Variants in CAMTA1 observed in about 807,000 individuals in gnomAD.
CAMTA1 encodes calmodulin binding transcription activator 1, also known as calmodulin-binding transcription activator 1.
In CAMTA1, 27 loss-of-function variants were observed where a neutral mutation model predicts 170.9. That is an observed-to-expected ratio of 0.16 (90% CI 0.12 to 0.22). CAMTA1 has a LOEUF of 0.22. Among genes scored for constraint, CAMTA1 ranks in the 10% least tolerant of loss-of-function variants. The probability of loss-of-function intolerance (pLI) is 1.00; values close to 1 mark genes in which losing one functional copy is unlikely to be tolerated. For synonymous variants in CAMTA1, 833 were observed against 891.5 expected, an observed-to-expected ratio of 0.93 and a Z score of 1.17; for missense variants, 1,619 against 2,217.2, an observed-to-expected ratio of 0.73 and a Z score of 5.42.
chr1:7,302,888 C>T (rs1015738784), intron 5 of CAMTA1, among the ~76,000 whole-genome samples: 12 of 152,294 alleles, frequency 7.9e-5, no homozygotes, highest in East Asian at 1.9e-4. Flanking sequence ...TCTTCCAAAT[C>T]GTCATTTTGG....
rs186193133 is a variant in CAMTA1, at chr1:7,484,208, G to T, written c.510+16307G>T. 3.6e-3 allele frequency among the ~76,000 whole-genome samples: 546 copies of T among 152,242 alleles called. 2 individuals are homozygous for T. Among genetic ancestry groups the T allele is most frequent in the African/African-American group, 0.013 (520 of 41,576 alleles). ...TGGGTGAGTACCTGGCACAGAGGGG[G>T]GCCCACCTCAGGTCCGCCTTCCCTC... On this transcript the variant is annotated intron_variant, in intron 6 of 22. Transcript: ENST00000303635.
rs367724762 is a variant in CAMTA1 at position 7,546,231 on chromosome 1, C to T, written c.510+78330C>T. Among the ~76,000 whole-genome samples the T allele has an allele frequency of 4.6e-5, 7 of 152,308 alleles. No individual in the cohort carries two copies. The East Asian group carries it at 7.7e-4, about 17-fold the overall frequency. On this transcript the variant is annotated intron_variant, in intron 6 of 22. Coordinates refer to ENST00000303635, the MANE Select transcript of CAMTA1 (RefSeq NM_015215.4). ...TCAGCCTCCCAAAGTGCTGGGATTA[C>T]AGGCGTGAGCCACTGCGCCCGGCCT...
intron 6 of CAMTA1, among the ~76,000 whole-genome samples, chr1:7,499,923 G>A (rs1169404471): frequency 2.1e-5 from 3 of 144,262 alleles, no homozygotes; most frequent in Non-Finnish European, 4.5e-5. Context: ...GTGTGCATGA[G>A]TGAGTGTGCA....
intron 8 of CAMTA1, among the ~76,000 whole-genome samples, chr1:7,662,997 G>A (rs988611877): frequency 2.0e-5 from 3 of 152,230 alleles, no homozygotes; most frequent in Non-Finnish European, 2.9e-5. Flanking sequence ...TTCCAGATGA[G>A]TGGTATCTGT....
chr1:6,896,098 G>C (rs1386712457), intron 3 of CAMTA1, among the ~76,000 whole-genome samples: 1 of 152,158 alleles, frequency 6.6e-6, no homozygotes. Flanking sequence ...CCTAGAAGCT[G>C]CTCCTCAAAT....
chr1:7,736,977 T>G lies in CAMTA1; in HGVS notation c.3310T>G (p.Leu1104Val). Residue 1104 changes from leucine to valine, a missense_variant, in exon 14 of 23, where the codon TTG (leucine) becomes GTG (valine). Transcript: ENST00000303635. The surrounding 1 kb of genome is among the most constrained non-coding windows in gnomAD (Gnocchi z 4.5). ...TGACCTGGAACTGGAAGTTGACCCCTTGAATGTGGACCACTTCTCCTGTAC... is the reference window on the plus strand; with the variant it reads ...TGACCTGGAACTGGAAGTTGACCCCGTGAATGTGGACCACTTCTCCTGTAC... ...SIDLELEVDP[L>V]NVDHFSCTPL... 6.2e-7 allele frequency: 1 copy of G among 1,613,624 alleles called. No individual in the cohort carries two copies. Among genetic ancestry groups the G allele is most frequent in the South Asian group, 1.1e-5 (1 of 90,910 alleles).
intron 3 of CAMTA1, among the ~76,000 whole-genome samples, chr1:7,036,355 G>A (rs1703593887): frequency 6.6e-6 from 1 of 152,182 alleles, no homozygotes; most frequent in Admixed American, 6.5e-5. Context: ...TCAGTTCTAC[G>A]TGAAAACTGC....
intron 3 of CAMTA1, among the ~76,000 whole-genome samples, chr1:7,005,595 G>A (rs905442065): frequency 6.6e-6 from 1 of 152,198 alleles, no homozygotes; most frequent in Non-Finnish European, 1.5e-5. Context: ...TATCTTCTGG[G>A]TATGGGGGAA....
At chr1:7,335,796 C>G (rs1270439922) in intron 5 of CAMTA1, among the ~76,000 whole-genome samples, 2 of 148,256 alleles carry the variant, frequency 1.3e-5, no homozygotes, top group Non-Finnish European at 3.0e-5. Context: ...AAGGCAAAAA[C>G]CAAGACCTCT....
At chr1:7,331,010 C>T (rs1574726794) in intron 5 of CAMTA1, among the ~76,000 whole-genome samples, 1 of 152,044 alleles carries the variant, frequency 6.6e-6, no homozygotes. Flanking sequence ...GAGGCCGAGG[C>T]GGGTGGATCA....
intron 3 of CAMTA1, among the ~76,000 whole-genome samples, chr1:6,952,108 T>G (rs1365973816): frequency 1.3e-5 from 2 of 152,132 alleles, no homozygotes; most frequent in African/African-American, 4.8e-5. Context: ...AAAACAATAC[T>G]GGGTGGTTCA....
In CAMTA1 at chr1:7,325,401, G is replaced by A. The variant is rs1679130061; in HGVS notation, c.438+75775G>A. Among the ~76,000 whole-genome samples, 1 of 152,184 alleles carries A rather than the reference G, an allele frequency of 6.6e-6. No homozygotes were observed. The highest frequency in any genetic ancestry group is 2.1e-4 in the South Asian group (1 of 4,820). ...GAAGAAGCCATGTCTGCCTGGGAGG[G>A]GAAACACTGAGGTGGAGGGACAGCC... On this transcript the variant is annotated intron_variant, in intron 5 of 22. Coordinates refer to ENST00000303635, the MANE Select transcript of CAMTA1 (RefSeq NM_015215.4). This position sits in a 1 kb window ranked among gnomAD's most constrained non-coding sequence, Gnocchi z 5.0.
In CAMTA1 at chr1:7,447,211, T is replaced by G. The variant is rs115629831; in HGVS notation, c.439-20619T>G. Among the ~76,000 whole-genome samples the G allele has an allele frequency of 6.2e-3, 936 of 152,036 alleles. 8 individuals are homozygous for G. Among genetic ancestry groups the G allele is most frequent in the African/African-American group, 0.021 (880 of 41,470 alleles). On this transcript the variant is annotated intron_variant, in intron 5 of 22. Transcript: ENST00000303635. ...ATTGCTTTACCAGAAGGGCACTTTG[T>G]AAACACGTGGTGCGCGTGGATGGTG...
At chr1:7,381,946 G>T (rs1273364901) in intron 5 of CAMTA1, among the ~76,000 whole-genome samples, 1 of 152,202 alleles carries the variant, frequency 6.6e-6, no homozygotes, top group African/African-American at 2.4e-5. Context: ...TGGTTAGAGG[G>T]TTGAGAACTG....
At chr1:6,924,062 T>C (rs1171573582) in intron 3 of CAMTA1, among the ~76,000 whole-genome samples, 1 of 152,106 alleles carries the variant, frequency 6.6e-6, no homozygotes, top group Non-Finnish European at 1.5e-5. Flanking sequence ...CCAGAGTCAG[T>C]AAGAGACTGT....
intron 5 of CAMTA1, among the ~76,000 whole-genome samples, chr1:7,270,281 A>T (rs1393699284): frequency 1.7e-5 from 2 of 120,114 alleles, no homozygotes; most frequent in African/African-American, 6.9e-5. Context: ...ACACATATAT[A>T]TATATATATA....
chr1:7,533,825 A>C (rs1575845829), intron 6 of CAMTA1, among the ~76,000 whole-genome samples: 2 of 152,110 alleles, frequency 1.3e-5, no homozygotes, highest in East Asian at 1.9e-4. Flanking sequence ...AGGCAGGAGA[A>C]TCTCTTGAAC....
chr1:7,751,092 A>G, intron 19 of CAMTA1, 107 bp from the exon 20 acceptor site: 1 of 889,798 alleles, frequency 1.1e-6, no homozygotes, highest in Non-Finnish European at 1.8e-6. Flanking sequence ...ATGTGATAAT[A>G]GAGGGGAAAA....
In CAMTA1 at chr1:7,364,046, G is replaced by C. The variant is rs545319977; in HGVS notation, c.439-103784G>C. Among the ~76,000 whole-genome samples, 27 of 152,234 alleles carry C rather than the reference G, an allele frequency of 1.8e-4. 1 individual carries two copies. In the South Asian group the frequency reaches 5.4e-3, roughly 30 times the overall value. ...GAAAAGCCGAGAGTGCCTCTTCCAG[G>C]GTAGCTCATGGGTTAGAACAGATTT... is the stretch of plus-strand genomic sequence containing the variant. On this transcript the variant is annotated intron_variant, in intron 5 of 22. Transcript: ENST00000303635.
Sources: gnomAD v4.1 joint callset for allele counts (sites outside exome capture counted in the v4.1 genomes callset) on GRCh38, gnomAD v4.1.1 for gene constraint, Gnocchi (gnomAD v3.1) non-coding constraint, MANE v1.5 for transcripts, NCBI Gene and HGNC (gene_info 2026-07-23, HGNC 2026-07-21) for gene names.